The following PIK3R3 variants were observed in gnomAD, a reference collection of about 807,000 sequenced individuals.
The protein encoded by PIK3R3 is phosphatidylinositol 3-kinase regulatory subunit gamma.
Under a neutral mutation model 62.9 loss-of-function variants are expected in PIK3R3, and 64 were observed. That is an observed-to-expected ratio of 1.02 (90% CI 0.83 to 1.25). The LOEUF (loss-of-function observed/expected upper bound fraction) is 1.25. PIK3R3 is among the 50% of genes most tolerant of loss of function. PIK3R3 has a pLI of 0.00. For synonymous variants in PIK3R3, 165 were observed against 189.0 expected, an observed-to-expected ratio of 0.87 and a Z score of 1.04; for missense variants, 614 against 561.6, an observed-to-expected ratio of 1.09 and a Z score of -0.94.
rs755264080 is a variant in PIK3R3, at chr1:46,055,974, G to A, written c.765-3C>T. 3.6e-5 allele frequency: 56 copies of A among 1,574,610 alleles called. No individual in the cohort carries two copies. The highest frequency in any genetic ancestry group is 4.7e-5 in the Non-Finnish European group (54 of 1,159,988). On this transcript the variant is annotated splice_polypyrimidine_tract_variant and splice_region_variant and intron_variant, in intron 6 of 9. Coordinates refer to ENST00000262741, the MANE Select transcript of PIK3R3 (RefSeq NM_003629.4). ...ATTTATCATAATTCATCATAATTCT[G>A]TAAAAATATTTGACATGTTAAGGCT...
intron 1 of PIK3R3, among the ~76,000 whole-genome samples, chr1:46,116,729 C>T (rs1002838787): frequency 6.6e-6 from 1 of 151,804 alleles, no homozygotes; most frequent in Non-Finnish European, 1.5e-5. Context: ...ATAACAGATA[C>T]CTGCCCTAAG....
chr1:46,059,471 T>C (rs774640333), intron 6 of PIK3R3, among the ~76,000 whole-genome samples: 2 of 152,236 alleles, frequency 1.3e-5, no homozygotes, highest in Admixed American at 6.5e-5. Context: ...TGAACCCTTA[T>C]GGTAATGACT....
In PIK3R3 at chr1:46,132,233, G is replaced by A. The variant is rs1655676730; in HGVS notation, c.-281C>T. The A allele has an allele frequency of 1.7e-6, 2 of 1,172,828 alleles. No homozygotes were observed. Among genetic ancestry groups the A allele is most frequent in the Non-Finnish European group, 2.1e-6 (2 of 944,142 alleles). The allele number at this position is 1,172,828 out of a possible 1,614,324, so 72.7% of individuals were successfully genotyped here. A position where few individuals can be genotyped will look rare whatever the true frequency, so the allele number is the denominator to read the frequency against. On this transcript the variant is annotated 5_prime_UTR_variant, in exon 1 of 10. Transcript: ENST00000262741. Reference sequence around the variant, plus strand: ...ACGGAGAGCAGAGGTGTTAAAAAGCGGCTTCCCAAAAATCCTTTCTACACA... The same window carrying A: ...ACGGAGAGCAGAGGTGTTAAAAAGCAGCTTCCCAAAAATCCTTTCTACACA...
chr1:46,054,526 T>C (rs893836833), intron 7 of PIK3R3, among the ~76,000 whole-genome samples: 1 of 152,096 alleles, frequency 6.6e-6, no homozygotes, highest in Non-Finnish European at 1.5e-5. Flanking sequence ...CTGAAGTCTA[T>C]GGAAAACCCA....
the PIK3R3 span, among the ~76,000 whole-genome samples, chr1:46,167,938 T>C: frequency 2.6e-5 from 4 of 152,194 alleles, no homozygotes; most frequent in African/African-American, 9.7e-5. Flanking sequence ...AGCAGATCAC[T>C]TGAAATCAGG....
rs199739588 is a variant in PIK3R3, at chr1:46,062,060, C to T, written c.633G>A (p.Met211Ile). 1 of 1,608,390 alleles carries T rather than the reference C, an allele frequency of 6.2e-7. No homozygotes were observed. The highest frequency in any genetic ancestry group is 2.2e-5 in the East Asian group (1 of 44,816). ...EYTRTSQEIQ[M>I]KRTAIEAFNE... is the part of the protein sequence containing the mutation. ...TAAAAGCTTCTATTGCAGTCCTCTT[C>T]ATCTGTATTTCCTACAGGAGAGAAA... The change falls in exon 6 of 10, where the codon ATG (methionine) becomes ATA (isoleucine). Residue 211 changes from methionine to isoleucine, a missense_variant. By Grantham distance (10) the Met-to-Ile change is conservative. Transcript: ENST00000262741.
At chr1:46,077,154 A>C (rs923608987) in intron 3 of PIK3R3, among the ~76,000 whole-genome samples, 16 of 152,202 alleles carry the variant, frequency 1.1e-4, no homozygotes, top group Non-Finnish European at 1.5e-5. Context: ...TCTGCTTTCT[A>C]AAGTCTGCAT....
At chr1:46,156,592 G>T in the PIK3R3 span, among the ~76,000 whole-genome samples, 1 of 152,082 alleles carries the variant, frequency 6.6e-6, no homozygotes, top group East Asian at 1.9e-4. Flanking sequence ...CTTGTTATCA[G>T]ATCAATAACA....
At chr1:46,099,909 T>C (rs1160429495) in intron 1 of PIK3R3, among the ~76,000 whole-genome samples, 1 of 152,236 alleles carries the variant, frequency 6.6e-6, no homozygotes, top group Non-Finnish European at 1.5e-5. Flanking sequence ...ATTGAAGTTT[T>C]AATTTGCATT....
Position 46,132,543 on chromosome 1 carries a change from G to C in PIK3R3, c.-591C>G. On this transcript the variant is annotated 5_prime_UTR_variant, in exon 1 of 10. Coordinates refer to ENST00000262741, the MANE Select transcript of PIK3R3 (RefSeq NM_003629.4). ...AGCCTCGGGAATGGGGCCGGCCGGAGAAGTCCAGTCAGCTCGGCTTGTCTG... is the reference window on the plus strand; with the variant it reads ...AGCCTCGGGAATGGGGCCGGCCGGACAAGTCCAGTCAGCTCGGCTTGTCTG... 1 of 1,261,754 alleles carries C rather than the reference G, an allele frequency of 7.9e-7. No individual in the cohort carries two copies. Among genetic ancestry groups the C allele is most frequent in the Non-Finnish European group, 1.0e-6 (1 of 973,944 alleles). The allele number at this position is 1,261,754 out of a possible 1,614,324, so 78.2% of individuals were successfully genotyped here. A position where few individuals can be genotyped will look rare whatever the true frequency, so the allele number is the denominator to read the frequency against.
intron 1 of PIK3R3, among the ~76,000 whole-genome samples, chr1:46,108,601 C>T (rs942235982): frequency 2.6e-5 from 4 of 152,186 alleles, no homozygotes; most frequent in Non-Finnish European, 5.9e-5. Flanking sequence ...TACATCTCTT[C>T]TCTCACAATT....
chr1:46,079,780 CCT>C (rs1414889898), intron 2 of PIK3R3, among the ~76,000 whole-genome samples: 2 of 151,912 alleles, frequency 1.3e-5, no homozygotes, highest in Non-Finnish European at 2.9e-5. Flanking sequence ...ATGGTGAAAC[CCT>C]GTCTCTACTA....
chr1:46,105,828 G>A (rs536012272), intron 1 of PIK3R3, among the ~76,000 whole-genome samples: 3 of 151,944 alleles, frequency 2.0e-5, no homozygotes, highest in Non-Finnish European at 2.9e-5. Context: ...CTAGCCAAAA[G>A]AGCAAAACTC....
intron 1 of PIK3R3, among the ~76,000 whole-genome samples, chr1:46,114,700 G>T (rs1239719158): frequency 6.6e-6 from 1 of 150,938 alleles, no homozygotes; most frequent in Non-Finnish European, 1.5e-5. Context: ...GACCTCCCAG[G>T]TTCAAGCAAT....
intron 1 of PIK3R3, among the ~76,000 whole-genome samples, chr1:46,113,354 C>T (rs1653906038): frequency 1.4e-5 from 2 of 147,424 alleles, no homozygotes; most frequent in East Asian, 4.0e-4. Context: ...GGCTGGAGTG[C>T]AATGACCCAA....
chr1:46,099,107 G>A (rs1458627047), intron 1 of PIK3R3, among the ~76,000 whole-genome samples: 4 of 152,252 alleles, frequency 2.6e-5, no homozygotes, highest in African/African-American at 9.6e-5. Flanking sequence ...AAAAACCACT[G>A]ATGTGGTTAA....
rs1486665482 is a variant in PIK3R3 at position 46,044,253 on chromosome 1, T to C, written c.1188-382A>G. 1.3e-5 allele frequency among the ~76,000 whole-genome samples: 2 copies of C among 151,840 alleles called. No homozygotes were observed. Among genetic ancestry groups the C allele is most frequent in the Admixed American group, 6.6e-5 (1 of 15,248 alleles). ...ACATGCCCAGCTACTTTTTTATTTT[T>C]AGTAGAAATGGGGTCTTGCTATGTT... is the stretch of plus-strand genomic sequence containing the variant. On this transcript the variant is annotated intron_variant, in intron 9 of 9. Coordinates refer to ENST00000262741, the MANE Select transcript of PIK3R3 (RefSeq NM_003629.4). This position sits in a 1 kb window ranked among gnomAD's most constrained non-coding sequence, Gnocchi z 4.2.
chr1:46,145,819 C>G, the PIK3R3 span, among the ~76,000 whole-genome samples: 5 of 152,228 alleles, frequency 3.3e-5, no homozygotes, highest in Non-Finnish European at 7.3e-5. Flanking sequence ...TGACAATGCT[C>G]TCCTTAGGAG....
chr1:46,164,877 C>T, the PIK3R3 span, among the ~76,000 whole-genome samples: 1 of 152,078 alleles, frequency 6.6e-6, no homozygotes, highest in Non-Finnish European at 1.5e-5. Flanking sequence ...CTGTGTGTTC[C>T]AGGCTGGAGT....
Sources: allele counts gnomAD v4.1 joint callset (sites outside exome capture counted in the v4.1 genomes callset), GRCh38; gene constraint gnomAD v4.1.1; non-coding constraint Gnocchi (gnomAD v3.1); transcripts MANE v1.5; gene names NCBI Gene and HGNC (gene_info 2026-07-23, HGNC 2026-07-21).